The following NALCN variants were observed in gnomAD, a reference collection of about 807,000 sequenced individuals.
NALCN encodes sodium leak channel, non-selective.
NALCN carries 111 observed loss-of-function variants against 225.3 expected under a neutral mutation model. The observed-to-expected ratio is 0.49, with a 90% confidence interval of 0.42 to 0.58. NALCN has a LOEUF of 0.58. Among genes scored for constraint, NALCN ranks in the 20% least tolerant of loss-of-function variants. NALCN has a pLI of 0.00. For missense variants in NALCN, 1,378 were observed against 2,202.4 expected (o/e 0.63, Z 7.49); for synonymous variants, 764 against 769.0 (o/e 0.99, Z 0.11).
rs1200951623 is a variant in NALCN at position 101,053,933 on chromosome 13, A to ATACT, written c.*1358_*1361dup. ...TAAACTGTAGACTGCCACTACCACG[A>ATACT]TACTTCTGTGACACAGAAGGAATGT... On this transcript the variant is annotated 3_prime_UTR_variant, in exon 44 of 44. Coordinates refer to ENST00000251127, the MANE Select transcript of NALCN (RefSeq NM_052867.4). 6.6e-6 allele frequency: 1 copy of ATACT among 152,208 alleles called. No homozygotes were observed. Among genetic ancestry groups the ATACT allele is most frequent in the Non-Finnish European group, 1.5e-5 (1 of 68,042 alleles). 9.4% of individuals were successfully genotyped at this position (152,208 alleles called of 1,614,324 possible).
chr13:101,254,370 C>CAAAAAAAAAAA (rs66465051), intron 11 of NALCN, among the ~76,000 whole-genome samples: 3 of 68,028 alleles, frequency 4.4e-5, no homozygotes, highest in Non-Finnish European at 7.4e-5. Context: ...GGGACTGTCT[C>CAAAAAAAAAAA]AAAAAAAAAA....
chr13:101,356,656 A>T (rs2046070815), intron 6 of NALCN, among the ~76,000 whole-genome samples: 1 of 152,234 alleles, frequency 6.6e-6, no homozygotes, highest in Non-Finnish European at 1.5e-5. Context: ...AGAATTGAAA[A>T]GGAGGGACTC....
chr13:101,296,031 C>G (rs552771580), intron 7 of NALCN, among the ~76,000 whole-genome samples: 1 of 152,304 alleles, frequency 6.6e-6, no homozygotes, highest in African/African-American at 2.4e-5. Context: ...CCCTGCACTG[C>G]TTCCCTCTGG....
In NALCN at chr13:101,104,298, A is replaced by G. The variant is rs1318122754; in HGVS notation, c.2886T>C (p.Tyr962=). Residue 962 remains tyrosine, a synonymous_variant, in exon 25 of 44, where the codon TAT becomes TAC. Transcript: ENST00000251127. This position sits in a 1 kb window ranked among gnomAD's most constrained non-coding sequence, Gnocchi z 4.2. ...DFGGVMDIFI[Y]LVSLIFLCWM... ...TAGGCAATAAGCAAAGACTTACAAG[A>G]TATATAAATATGTCCATTACTCCAC... The G allele has an allele frequency of 6.3e-7, 1 of 1,594,638 alleles. No homozygotes were observed. Among genetic ancestry groups the G allele is most frequent in the Non-Finnish European group, 8.5e-7 (1 of 1,174,600 alleles).
chr13:101,304,389 A>C (rs1005750848), intron 7 of NALCN, among the ~76,000 whole-genome samples: 2 of 152,082 alleles, frequency 1.3e-5, no homozygotes, highest in Non-Finnish European at 2.9e-5. Flanking sequence ...TTTAAGCCCC[A>C]CATGCACTAG....
chr13:101,279,860 T>TAAAG lies in NALCN; in HGVS notation c.1134+4072_1134+4073insCTTT, dbSNP rs1208772159. Among the ~76,000 whole-genome samples the TAAAG allele has an allele frequency of 1.1e-4, 17 of 148,614 alleles. No homozygotes were observed. The Admixed American group carries it at 1.1e-3, about 10-fold the overall frequency. ...TAAAATAAATAAATAAATAAATAAA[T>TAAAG]AAATAAATAAATAAATAAAAAGAAG... is the stretch of plus-strand genomic sequence containing the variant. On this transcript the variant is annotated intron_variant, in intron 10 of 43. Transcript: ENST00000251127.
intron 13 of NALCN, among the ~76,000 whole-genome samples, chr13:101,212,548 A>T (rs1219616490): frequency 6.6e-6 from 1 of 152,174 alleles, no homozygotes; most frequent in Non-Finnish European, 1.5e-5. Flanking sequence ...GCTGTGTTGC[A>T]TAAAGAATGT....
chr13:101,336,606 A>G (rs1043215581), intron 7 of NALCN, among the ~76,000 whole-genome samples: 2 of 152,214 alleles, frequency 1.3e-5, no homozygotes, highest in African/African-American at 2.4e-5. Context: ...GACGACTTGT[A>G]GTTTTCTTAT....
rs72260451 is a variant in NALCN, at chr13:101,066,308, C to CAAAA, written c.4447-751_4447-748dup. Among the ~76,000 whole-genome samples the CAAAA allele has an allele frequency of 2.0e-3, 251 of 125,134 alleles. 2 individuals are homozygous for CAAAA. Among genetic ancestry groups the CAAAA allele is most frequent in the African/African-American group, 6.4e-3 (220 of 34,478 alleles). 82.1% of individuals were successfully genotyped at this position (125,134 alleles called of 152,430 possible). ...CTGGAGACAGAGTGGGACTCCATCTCAAAAAAAAAAAAAAAAGAGCTAACT... is the reference window on the plus strand; with the variant it reads ...CTGGAGACAGAGTGGGACTCCATCTCAAAAAAAAAAAAAAAAAAAAGAGCTAACT... On this transcript the variant is annotated intron_variant, in intron 39 of 43. Coordinates refer to ENST00000251127, the MANE Select transcript of NALCN (RefSeq NM_052867.4).
At chr13:101,165,474 G>A (rs535200462) in intron 15 of NALCN, among the ~76,000 whole-genome samples, 21 of 152,154 alleles carry the variant, frequency 1.4e-4, no homozygotes, top group African/African-American at 2.4e-4. Context: ...CATTTTTGTC[G>A]TTGTTGTTGT....
At chr13:101,235,758 C>T (rs571318598) in intron 12 of NALCN, among the ~76,000 whole-genome samples, 18 of 152,278 alleles carry the variant, frequency 1.2e-4, no homozygotes, top group Admixed American at 9.8e-4. Context: ...GCTGTGATTA[C>T]AAGGGCTCAG....
Position 101,372,434 on chromosome 13 carries a change from A to G in NALCN, c.644+4266T>C, listed in dbSNP as rs2046566609. ...ATTCTCATGGAATTTTCACCAATTC[A>G]GACCATATACTGGTCCTTAAAATGA... is the stretch of plus-strand genomic sequence containing the variant. On this transcript the variant is annotated intron_variant, in intron 6 of 43. Transcript: ENST00000251127. 2.0e-5 allele frequency among the ~76,000 whole-genome samples: 3 copies of G among 152,198 alleles called. No individual in the cohort carries two copies. In the South Asian group the frequency reaches 6.2e-4, roughly 31 times the overall value.
chr13:101,259,546 G>A (rs903691393), intron 10 of NALCN, among the ~76,000 whole-genome samples: 3 of 151,310 alleles, frequency 2.0e-5, no homozygotes, highest in African/African-American at 7.3e-5. Flanking sequence ...ACGTTAGCCA[G>A]GATGGTCTCG....
intron 3 of NALCN, among the ~76,000 whole-genome samples, chr13:101,389,553 G>A (rs114049170): frequency 0.021 from 3,238 of 152,176 alleles, 119 homozygotes; most frequent in African/African-American, 0.074. Flanking sequence ...TCGATAATTG[G>A]GCCAGCAGTC....
chr13:101,167,018 T>C (rs1173972618), intron 15 of NALCN, among the ~76,000 whole-genome samples: 1 of 152,238 alleles, frequency 6.6e-6, no homozygotes, highest in Non-Finnish European at 1.5e-5. Flanking sequence ...GAAGATCATG[T>C]GACTATATAT....
At chr13:101,110,976 T>G in intron 19 of NALCN, 149 bp downstream of exon 19, 1 of 813,256 alleles carries the variant, frequency 1.2e-6, no homozygotes, top group East Asian at 2.5e-5. Context: ...AGGTGTTTCA[T>G]TATTGTAACA....
At chr13:101,311,935 G>C (rs890636686) in intron 7 of NALCN, among the ~76,000 whole-genome samples, 3 of 152,072 alleles carry the variant, frequency 2.0e-5, no homozygotes, top group African/African-American at 7.2e-5. Context: ...AGAAGGAATG[G>C]TACCAGTTCC....
chr13:101,077,093 A>G (rs962706862), intron 34 of NALCN, among the ~76,000 whole-genome samples: 1 of 152,078 alleles, frequency 6.6e-6, no homozygotes, highest in Non-Finnish European at 1.5e-5. Context: ...GGTCACTCAT[A>G]CTTCTTCCTG....
At chr13:101,107,639 G>T in intron 21 of NALCN, 30 bp from the exon 22 acceptor site, 1 of 1,613,972 alleles carries the variant, frequency 6.2e-7, no homozygotes, top group Non-Finnish European at 8.5e-7. Context: ...GGAGAATGAG[G>T]CTAAGGGAAA....
Sources: gnomAD v4.1 joint callset for allele counts (sites outside exome capture counted in the v4.1 genomes callset) on GRCh38, gnomAD v4.1.1 for gene constraint, Gnocchi (gnomAD v3.1) non-coding constraint, MANE v1.5 for transcripts, NCBI Gene and HGNC (gene_info 2026-07-23, HGNC 2026-07-21) for gene names.